Variants in VPS11 observed in about 807,000 individuals in gnomAD.
The protein encoded by VPS11 is vacuolar protein sorting-associated protein 11 homolog.
VPS11 carries 51 observed loss-of-function variants against 106.8 expected under a neutral mutation model. That is an observed-to-expected ratio of 0.48 (90% CI 0.38 to 0.60). The LOEUF is 0.60. Ranked by LOEUF, VPS11 falls within the 20% of genes least tolerant of loss-of-function variation. The pLI is 0.00. For missense variants in VPS11, 950 were observed against 1,190.0 expected (o/e 0.80, Z 2.97); for synonymous variants, 453 against 458.7 (o/e 0.99, Z 0.16).
Position 119,071,754 on chromosome 11 carries a change from C to G in VPS11, c.795C>G (p.Pro265=). ...VYLYQPDERG[P]CFAFEGHKLI... is the part of the protein sequence containing the mutation. ...TGTACCAGCCTGATGAACGTGGGCC[C>G]TGCTTCGCCTTTGAGGGCCATAAGC... The change falls in exon 5 of 16, where the codon CCC becomes CCG. Residue 265 remains proline, a synonymous_variant. Transcript: ENST00000621676. The G allele has an allele frequency of 1.2e-6, 2 of 1,614,024 alleles. No homozygotes were observed. Among genetic ancestry groups the G allele is most frequent in the Non-Finnish European group, 1.7e-6 (2 of 1,179,894 alleles).
At position 119,078,705 on chromosome 11, in the gene VPS11, G is replaced by T. The variant is rs781899577; in HGVS notation, c.2063+1G>T. 6.2e-7 allele frequency: 1 copy of T among 1,610,730 alleles called. No homozygotes were observed. The highest frequency in any genetic ancestry group is 1.3e-5 in the African/African-American group (1 of 74,988). ...TTTACCTTTATGAGCAGGGGAAGCT[G>T]TAAGAGTTTGGGGAATTTCAGGGAA... On this transcript the variant is annotated splice_donor_variant, in intron 12 of 15. Transcript: ENST00000621676. LOFTEE classifies it high-confidence loss of function.
chr11:119,075,246 A>G (rs1449831577), intron 7 of VPS11, among the ~76,000 whole-genome samples: 2 of 151,834 alleles, frequency 1.3e-5, no homozygotes, highest in African/African-American at 4.8e-5. Context: ...CAGCCTGGGT[A>G]TCAGAGCAGG....
intron 1 of VPS11, 151 bp downstream of exon 1, chr11:119,068,161 G>A: frequency 1.1e-6 from 1 of 917,778 alleles, no homozygotes; most frequent in Non-Finnish European, 1.6e-6. Context: ...GAAGAAAGAA[G>A]GAAGTCCATC....
chr11:119,071,487 A>C (rs958398960), intron 4 of VPS11, 109 bp from the exon 5 acceptor site: 2 of 1,400,380 alleles, frequency 1.4e-6, no homozygotes, highest in African/African-American at 2.9e-5. Flanking sequence ...GAAAGACTTT[A>C]GAATGCCAAG....
At position 119,071,627 on chromosome 11, in the gene VPS11, G is replaced by A. The variant is rs200201798; in HGVS notation, c.668G>A (p.Arg223His). The A allele has an allele frequency of 6.2e-5, 100 of 1,613,836 alleles. No individual in the cohort carries two copies. The highest frequency in any genetic ancestry group is 3.7e-4 in the African/African-American group (28 of 74,912). ...ATAGTTTCTGGAAAAGACTACCCTC[G>A]CGTGGAGTTGGACACCCATGGTTGT... Reference protein sequence around the residue: ...SYIVSGKDYPRVELDTHGCGL... With the variant: ...SYIVSGKDYPHVELDTHGCGL... Residue 223 changes from arginine (R) to histidine (H), a missense_variant, in exon 5 of 16, where the codon CGC becomes CAC. By Grantham distance (29) the Arg-to-His change is conservative (BLOSUM62 0). Coordinates refer to ENST00000621676, the MANE Select transcript of VPS11 (RefSeq NM_021729.6).
intron 14 of VPS11, 67 bp from the exon 15 acceptor site, chr11:119,081,025 T>G: frequency 1.4e-6 from 2 of 1,461,888 alleles, no homozygotes; most frequent in Middle Eastern, 1.9e-4. Context: ...GCTGCCTTCT[T>G]TCTCATCCTT....
chr11:119,069,160 T>G (rs1196493234), intron 1 of VPS11, 36 bp from the exon 2 acceptor site: 1 of 1,611,404 alleles, frequency 6.2e-7, no homozygotes. Context: ...TGTAAGTATC[T>G]CTCCTTGGAA....
In VPS11 at chr11:119,078,605, A is replaced by G; in HGVS notation, c.1964A>G (p.Lys655Arg). The G allele has an allele frequency of 7.4e-6, 12 of 1,613,768 alleles. No homozygotes were observed. The highest frequency in any genetic ancestry group is 1.0e-5 in the Non-Finnish European group (12 of 1,179,668). ...KLHAEAISLL[K>R]SGRFCDVFDK... is the part of the protein sequence containing the mutation. ...CACGCAGAGGCCATTTCCCTGCTGAAGAGTGGTCGCTTCTGCGACGTCTTT... is the reference window on the plus strand; with the variant it reads ...CACGCAGAGGCCATTTCCCTGCTGAGGAGTGGTCGCTTCTGCGACGTCTTT... Residue 655 changes from lysine to arginine, a missense_variant, in exon 12 of 16, where the codon AAG (lysine) becomes AGG (arginine). Coordinates refer to ENST00000621676, the MANE Select transcript of VPS11 (RefSeq NM_021729.6).
At chr11:119,069,386 G>A (rs1246708988) in intron 2 of VPS11, 42 bp downstream of exon 2, 28 of 1,613,842 alleles carry the variant, frequency 1.7e-5, no homozygotes, top group Non-Finnish European at 2.1e-5. Context: ...AGAAGCCTAG[G>A]AATGATTTTT....
chr11:119,071,449 G>A, intron 4 of VPS11, 147 bp from the exon 5 acceptor site: 1 of 934,826 alleles, frequency 1.1e-6, no homozygotes, highest in Middle Eastern at 2.4e-4. Flanking sequence ...GATGGGTAAT[G>A]GTTAATGAAG....
chr11:119,073,518 C>T, intron 6 of VPS11, 119 bp downstream of exon 6: 1 of 1,277,208 alleles, frequency 7.8e-7, no homozygotes, highest in Non-Finnish European at 1.1e-6. Flanking sequence ...CCTTACTCAG[C>T]TTCCTTAGGG....
chr11:119,069,547 G>A lies in VPS11; in HGVS notation c.442G>A (p.Val148Ile). The A allele has an allele frequency of 6.2e-7, 1 of 1,613,988 alleles. No homozygotes were observed. The highest frequency in any genetic ancestry group is 8.5e-7 in the Non-Finnish European group (1 of 1,179,892). Residue 148 changes from valine to isoleucine, a missense_variant, in exon 3 of 16, where the codon GTC (valine) becomes ATC (isoleucine). Around this residue, in one of 3 missense-constraint regions of VPS11, gnomAD observed 435 missense variants for 630.2 expected, o/e 0.69. Transcript: ENST00000621676. ...GCCAACTGTTGTATCTTGTTTGACT[G>A]TCCATGAAAATCTCAACTTTATGGC... The part of the protein sequence containing the change: ...TEPTVVSCLT[V>I]HENLNFMAIG...
Position 119,081,248 on chromosome 11 carries a change from G to T in VPS11, c.2595G>T (p.Arg865=), listed in dbSNP as rs1406028662. Residue 865 remains arginine, a synonymous_variant, in exon 15 of 16, where the codon CGG becomes CGT. Transcript: ENST00000621676. ...ADCPTCLPEN[R]KVMDMIRAQE... ...GCCCCACCTGCCTCCCTGAAAACCG[G>T]AAGGTCATGGATATGATCCGGGCCC... 4 of 1,614,016 alleles carry T rather than the reference G, an allele frequency of 2.5e-6. No homozygotes were observed. Among genetic ancestry groups the T allele is most frequent in the Non-Finnish European group, 3.4e-6 (4 of 1,179,908 alleles).
chr11:119,078,713 T>C lies in VPS11; in HGVS notation c.2063+9T>C. The C allele has an allele frequency of 3.7e-6, 6 of 1,610,174 alleles. No homozygotes were observed. The highest frequency in any genetic ancestry group is 5.1e-6 in the Non-Finnish European group (6 of 1,177,548). ...TATGAGCAGGGGAAGCTGTAAGAGT[T>C]TGGGGAATTTCAGGGAAAGGGGAAG... On this transcript the variant is annotated intron_variant, in intron 12 of 15. Coordinates refer to ENST00000621676, the MANE Select transcript of VPS11 (RefSeq NM_021729.6).
At chr11:119,079,712 A>G (rs1945776912) in intron 14 of VPS11, among the ~76,000 whole-genome samples, 1 of 152,138 alleles carries the variant, frequency 6.6e-6, no homozygotes, top group Non-Finnish European at 1.5e-5. Context: ...AGTAGCTGGG[A>G]TTACAGGCGT....
chr11:119,081,719 C>T lies in VPS11; in HGVS notation c.*96C>T, dbSNP rs1166940336. 5.4e-6 allele frequency: 8 copies of T among 1,468,720 alleles called. No individual in the cohort carries two copies. The Admixed American group carries it at 6.6e-5, about 12-fold the overall frequency. The allele number at this position is 1,468,720 out of a possible 1,614,324, so 91.0% of individuals were successfully genotyped here. On this transcript the variant is annotated 3_prime_UTR_variant, in exon 16 of 16. Transcript: ENST00000621676. ...TTACACAGAAGGCTGGCTGACATGC[C>T]CAGGGCTCCACTCTCATCTAATGTC... is the stretch of plus-strand genomic sequence containing the variant.
Position 119,067,923 on chromosome 11 carries a change from G to C in VPS11, c.100G>C (p.Ala34Pro). ...NDGAAPGATPASGSAASKFLC... is the reference protein window; with the variant it reads ...NDGAAPGATPPSGSAASKFLC... ...TGGGGCCGCTCCCGGGGCCACACCT[G>C]CTTCTGGATCCGCTGCTTCCAAGTT... Residue 34 changes from alanine (A) to proline (P), a missense_variant, in exon 1 of 16, where the codon GCT becomes CCT. Ala to Pro is a conservative substitution (Grantham distance 27, BLOSUM62 -1). Coordinates refer to ENST00000621676, the MANE Select transcript of VPS11 (RefSeq NM_021729.6). 3 of 1,611,042 alleles carry C rather than the reference G, an allele frequency of 1.9e-6. No homozygotes were observed. The highest frequency in any genetic ancestry group is 2.5e-6 in the Non-Finnish European group (3 of 1,178,624).
At chr11:119,070,607 C>CT in intron 4 of VPS11, 1 of 291,502 alleles carries the variant, frequency 3.4e-6, no homozygotes, top group Non-Finnish European at 5.1e-6. Flanking sequence ...TGTGAATTTT[C>CT]TTTCTTTTTT....
chr11:119,081,632 G>A lies in VPS11; in HGVS notation c.*9G>A, dbSNP rs781907194. On this transcript the variant is annotated 3_prime_UTR_variant, in exon 16 of 16. Transcript: ENST00000621676. Reference sequence around the variant, plus strand: ...CCAGGAGGGGCACTTAAGCAGCCTGGAGGAAGATGTGGGCAACAGTGGAGG... The same window carrying A: ...CCAGGAGGGGCACTTAAGCAGCCTGAAGGAAGATGTGGGCAACAGTGGAGG... The A allele has an allele frequency of 6.2e-7, 1 of 1,613,412 alleles. No individual in the cohort carries two copies. The highest frequency in any genetic ancestry group is 2.2e-5 in the East Asian group (1 of 44,876).
Sources: allele counts gnomAD v4.1 joint callset (sites outside exome capture counted in the v4.1 genomes callset), GRCh38; gene constraint gnomAD v4.1.1; regional missense constraint gnomAD v4.1.1; transcripts MANE v1.5; gene names NCBI Gene and HGNC (gene_info 2026-07-23, HGNC 2026-07-21).